LHFPL3: variants seen among roughly 807,000 people sequenced by gnomAD.
The protein encoded by LHFPL3 is LHFPL tetraspan subfamily member 3 protein.
A neutral mutation model predicts 19.3 loss-of-function variants in LHFPL3; 5 were observed. The ratio of observed to expected loss-of-function variants is 0.26; its 90% CI spans 0.14 to 0.54. The LOEUF (loss-of-function observed/expected upper bound fraction) is 0.54, where lower values mean the gene tolerates loss of function less well. Ranked by LOEUF, LHFPL3 falls within the 20% of genes least tolerant of loss-of-function variation. LHFPL3 has a pLI of 0.94. For missense variants in LHFPL3, 249 were observed against 307.4 expected, an observed-to-expected ratio of 0.81 and a Z score of 1.42; for synonymous variants, 133 against 126.2, an observed-to-expected ratio of 1.05 and a Z score of -0.36.
chr7:104,852,818 A>T (rs118029262), intron 2 of LHFPL3, among the ~76,000 whole-genome samples: 2,130 of 152,242 alleles, frequency 0.014, 20 homozygotes, highest in Non-Finnish European at 0.023. Flanking sequence ...GAGACTGTTC[A>T]TGGGGCCAGC....
At chr7:104,521,304 T>C (rs1332734920) in intron 1 of LHFPL3, among the ~76,000 whole-genome samples, 6 of 152,186 alleles carry the variant, frequency 3.9e-5, no homozygotes, top group African/African-American at 1.4e-4. Flanking sequence ...TGCACTGTGG[T>C]CTGAGAGATA....
At chr7:104,425,066 A>G (rs1791816299) in intron 1 of LHFPL3, among the ~76,000 whole-genome samples, 1 of 151,582 alleles carries the variant, frequency 6.6e-6, no homozygotes, top group South Asian at 2.1e-4. Flanking sequence ...CATACATGGA[A>G]TTTCAGCTGG....
chr7:104,364,525 C>T (rs1790448328), intron 1 of LHFPL3, among the ~76,000 whole-genome samples: 2 of 152,174 alleles, frequency 1.3e-5, no homozygotes, highest in Non-Finnish European at 2.9e-5. Context: ...GAACCCAGAT[C>T]TTCTACCAAA....
chr7:104,711,248 A>C (rs904518905), intron 1 of LHFPL3, among the ~76,000 whole-genome samples: 1 of 152,250 alleles, frequency 6.6e-6, no homozygotes, highest in East Asian at 1.9e-4. Flanking sequence ...GACAACCTCT[A>C]TAGAACTGGA....
At chr7:104,820,900 A>C (rs1790664211) in intron 2 of LHFPL3, among the ~76,000 whole-genome samples, 1 of 152,008 alleles carries the variant, frequency 6.6e-6, no homozygotes, top group African/African-American at 2.4e-5. Context: ...CCTGACATCA[A>C]TTTCAAGCTT....
chr7:104,702,478 A>T (rs1238843803), intron 1 of LHFPL3, among the ~76,000 whole-genome samples: 2 of 152,178 alleles, frequency 1.3e-5, no homozygotes, highest in African/African-American at 4.8e-5. Flanking sequence ...AACCCTGCAT[A>T]TGTGAATAGG....
At chr7:104,590,457 A>G (rs1233197376) in intron 1 of LHFPL3, among the ~76,000 whole-genome samples, 2 of 152,052 alleles carry the variant, frequency 1.3e-5, no homozygotes, top group African/African-American at 4.8e-5. Flanking sequence ...TTCTAGTTTG[A>G]TTGCACTGTG....
At chr7:104,572,412 A>G (rs1218443497) in intron 1 of LHFPL3, among the ~76,000 whole-genome samples, 1 of 152,220 alleles carries the variant, frequency 6.6e-6, no homozygotes, top group African/African-American at 2.4e-5. Flanking sequence ...AAAAGAATTA[A>G]TATTCTAGTA....
intron 1 of LHFPL3, among the ~76,000 whole-genome samples, chr7:104,593,871 C>CTTCT (rs1554411815): frequency 3.5e-5 from 4 of 115,734 alleles, no homozygotes; most frequent in Non-Finnish European, 6.0e-5. Flanking sequence ...GCGACCCCTG[C>CTTCT]TTTTTTTTTG....
intron 1 of LHFPL3, among the ~76,000 whole-genome samples, chr7:104,662,743 T>C (rs1339485503): frequency 6.6e-6 from 1 of 152,234 alleles, no homozygotes; most frequent in Non-Finnish European, 1.5e-5. Flanking sequence ...CCTGGAGTTC[T>C]TTCAATTCAC....
At position 104,608,566 on chromosome 7, in the gene LHFPL3, C is replaced by G. The variant is rs544035764; in HGVS notation, c.446-128109C>G. Among the ~76,000 whole-genome samples the G allele has an allele frequency of 9.4e-4, 142 of 151,450 alleles. 1 individual carries two copies. The highest frequency in any genetic ancestry group is 3.3e-3 in the African/African-American group (135 of 41,294). On this transcript the variant is annotated intron_variant, in intron 1 of 2. Coordinates refer to ENST00000424859, the MANE Select transcript of LHFPL3 (RefSeq NM_199000.3). Reference sequence around the variant, plus strand: ...ATGCTAAATGACGAGTTAATGGGTGCAGTACACCAACATGGCACATGTATA... The same window carrying G: ...ATGCTAAATGACGAGTTAATGGGTGGAGTACACCAACATGGCACATGTATA...
intron 2 of LHFPL3, among the ~76,000 whole-genome samples, chr7:104,841,749 A>G (rs1791214757): frequency 6.6e-6 from 1 of 151,962 alleles, no homozygotes; most frequent in Non-Finnish European, 1.5e-5. Context: ...TAACTTTTGC[A>G]CCCATTTATT....
intron 1 of LHFPL3, among the ~76,000 whole-genome samples, chr7:104,492,493 T>A (rs1793378030): frequency 6.6e-6 from 1 of 152,234 alleles, no homozygotes; most frequent in Non-Finnish European, 1.5e-5. Flanking sequence ...ATGTCAGGTG[T>A]ATTAAACAAT....
chr7:104,375,479 A>G (rs1041830676), intron 1 of LHFPL3, among the ~76,000 whole-genome samples: 1 of 152,252 alleles, frequency 6.6e-6, no homozygotes, highest in Non-Finnish European at 1.5e-5. Flanking sequence ...AGCTGTAAGC[A>G]CATTAAGATA....
At chr7:104,394,851 C>T (rs1265303888) in intron 1 of LHFPL3, among the ~76,000 whole-genome samples, 1 of 152,060 alleles carries the variant, frequency 6.6e-6, no homozygotes, top group Non-Finnish European at 1.5e-5. Context: ...CAGGCACCCA[C>T]CACCGCGTCA....
At chr7:104,857,232 G>A (rs952152107) in intron 2 of LHFPL3, among the ~76,000 whole-genome samples, 6 of 144,412 alleles carry the variant, frequency 4.2e-5, no homozygotes, top group African/African-American at 5.2e-5. Context: ...TTTATTCACC[G>A]CTACCACGGC....
chr7:104,329,289 G>C, intron 1 of LHFPL3, 65 bp downstream of exon 1: 1 of 1,523,644 alleles, frequency 6.6e-7, no homozygotes, highest in Non-Finnish European at 8.8e-7. Flanking sequence ...GGAGGGGCCA[G>C]AGTGGGAGGG....
intron 1 of LHFPL3, among the ~76,000 whole-genome samples, chr7:104,592,925 G>A (rs377481042): frequency 1.4e-4 from 22 of 152,134 alleles, no homozygotes; most frequent in African/African-American, 3.9e-4. Flanking sequence ...ATAATCTCCC[G>A]GTGTGCCATT....
intron 1 of LHFPL3, among the ~76,000 whole-genome samples, chr7:104,559,267 G>C (rs1399829432): frequency 9.1e-5 from 13 of 142,270 alleles, no homozygotes; most frequent in Non-Finnish European, 1.8e-4. Context: ...AAATTACCTT[G>C]GGCAGTATGG....
Sources: gnomAD v4.1 joint callset for allele counts (sites outside exome capture counted in the v4.1 genomes callset) on GRCh38, gnomAD v4.1.1 for gene constraint, MANE v1.5 for transcripts, NCBI Gene and HGNC (gene_info 2026-07-23, HGNC 2026-07-21) for gene names.